The following CCBE1 variants were observed in gnomAD, a reference collection of about 807,000 sequenced individuals.
CCBE1 encodes the protein collagen and calcium-binding EGF domain-containing protein 1.
CCBE1 carries 37 observed loss-of-function variants against 50.0 expected under a neutral mutation model. The ratio of observed to expected loss-of-function variants is 0.74; its 90% CI spans 0.57 to 0.97. CCBE1 has a LOEUF of 0.97. Ranked by LOEUF, CCBE1 falls within the 50% of genes least tolerant of loss-of-function variation. The probability of loss-of-function intolerance (pLI) is 0.00; values close to 1 mark genes in which losing one functional copy is unlikely to be tolerated. For synonymous variants in CCBE1, 234 were observed against 203.7 expected, an observed-to-expected ratio of 1.15 and a Z score of -1.27; for missense variants, 538 against 523.8, an observed-to-expected ratio of 1.03 and a Z score of -0.26.
At chr18:59,617,262 C>A (rs1379998698) in intron 2 of CCBE1, among the ~76,000 whole-genome samples, 2 of 152,234 alleles carry the variant, frequency 1.3e-5, no homozygotes, top group South Asian at 2.1e-4. Context: ...TTGCACGTCC[C>A]ATTATTACCT....
chr18:59,511,702 T>A (rs924986103), intron 2 of CCBE1, among the ~76,000 whole-genome samples: 3 of 152,240 alleles, frequency 2.0e-5, no homozygotes, highest in Non-Finnish European at 4.4e-5. Context: ...ACATTAGGTC[T>A]TATTTCTTCT....
At chr18:59,579,377 A>C (rs1307016345) in intron 2 of CCBE1, among the ~76,000 whole-genome samples, 2 of 151,312 alleles carry the variant, frequency 1.3e-5, no homozygotes, top group Non-Finnish European at 2.9e-5. Context: ...TCAGCTGACC[A>C]CTAGAATCAC....
In CCBE1 at chr18:59,438,126, C is replaced by T; in HGVS notation, c.972G>A (p.Gly324=). The change falls in exon 10 of 11, where the codon GGG becomes GGA. Residue 324 remains glycine, a synonymous_variant. Transcript: ENST00000439986. The part of the protein sequence containing the change: ...DGSKGERGAP[G]PRGSPGPPGS... Reference sequence around the variant, plus strand: ...TGCTACTTACTGGAGACCCTCTGGGCCCAGGCGCTCCTCTCTCCCCCTAAA... The same window carrying T: ...TGCTACTTACTGGAGACCCTCTGGGTCCAGGCGCTCCTCTCTCCCCCTAAA... 1 of 1,614,086 alleles carries T rather than the reference C, an allele frequency of 6.2e-7. No individual in the cohort carries two copies. Among genetic ancestry groups the T allele is most frequent in the Non-Finnish European group, 8.5e-7 (1 of 1,180,008 alleles).
chr18:59,687,752 A>T (rs2054675739), intron 2 of CCBE1, among the ~76,000 whole-genome samples: 1 of 152,024 alleles, frequency 6.6e-6, no homozygotes, highest in Admixed American at 6.5e-5. Flanking sequence ...TCACCTGAGG[A>T]GCTCAAGACC....
chr18:59,524,319 CA>C (rs1442316454), intron 2 of CCBE1, among the ~76,000 whole-genome samples: 5 of 152,060 alleles, frequency 3.3e-5, no homozygotes, highest in Non-Finnish European at 7.4e-5. Flanking sequence ...GATCCTGTCT[CA>C]AAAACAAAAC....
chr18:59,635,463 A>G (rs2053903395), intron 2 of CCBE1, among the ~76,000 whole-genome samples: 1 of 152,224 alleles, frequency 6.6e-6, no homozygotes, highest in Non-Finnish European at 1.5e-5. Flanking sequence ...GAAATTTTTT[A>G]AAAATAAACA....
chr18:59,448,860 A>C (rs975800423), intron 6 of CCBE1, among the ~76,000 whole-genome samples: 5 of 152,232 alleles, frequency 3.3e-5, no homozygotes, highest in African/African-American at 1.2e-4. Context: ...CTCATGATTC[A>C]GAGTCACCAC....
intron 2 of CCBE1, among the ~76,000 whole-genome samples, chr18:59,575,880 T>C (rs749870004): frequency 5.9e-5 from 9 of 152,184 alleles, no homozygotes; most frequent in Non-Finnish European, 1.3e-4. Flanking sequence ...AATCGATAAG[T>C]ATACAGCCAG....
intron 2 of CCBE1, among the ~76,000 whole-genome samples, chr18:59,547,398 C>T (rs903205533): frequency 6.6e-6 from 1 of 152,048 alleles, no homozygotes; most frequent in East Asian, 1.9e-4. Flanking sequence ...GGGGATAAGA[C>T]AAAGAGCCCT....
chr18:59,522,994 A>T (rs1030198629), intron 2 of CCBE1, among the ~76,000 whole-genome samples: 1 of 34,664 alleles, frequency 2.9e-5, no homozygotes, highest in Non-Finnish European at 5.1e-5. Context: ...ACTCTGTTTC[A>T]AAAAAAAAAA....
At chr18:59,471,245 C>T (rs898714459) in intron 3 of CCBE1, among the ~76,000 whole-genome samples, 42 of 152,198 alleles carry the variant, frequency 2.8e-4, no homozygotes, top group East Asian at 5.8e-4. Context: ...CCTGAGGAAC[C>T]GCTCTCAACT....
chr18:59,654,037 T>C (rs1413001998), intron 2 of CCBE1, among the ~76,000 whole-genome samples: 1 of 152,192 alleles, frequency 6.6e-6, no homozygotes, highest in African/African-American at 2.4e-5. Flanking sequence ...TCATTCAATG[T>C]TTTAAAAGTA....
chr18:59,533,220 CAT>C (rs1915118388), intron 2 of CCBE1, among the ~76,000 whole-genome samples: 1 of 152,178 alleles, frequency 6.6e-6, no homozygotes, highest in South Asian at 2.1e-4. Context: ...TTCAAGACTT[CAT>C]GTTAGAATTT....
At position 59,435,152 on chromosome 18, in the gene CCBE1, GAA is replaced by G. The variant is rs1199173981; in HGVS notation, c.*754_*755del. 1.3e-5 allele frequency: 2 copies of G among 152,108 alleles called. No homozygotes were observed. Among genetic ancestry groups the G allele is most frequent in the African/African-American group, 2.4e-5 (1 of 41,426 alleles). 9.4% of individuals were successfully genotyped at this position (152,108 alleles called of 1,614,324 possible). ...TCCAGGCATTTCACTTTGTTTTTTT[GAA>G]AAGAGAGTTTAATCTTCTTCCCTAA... On this transcript the variant is annotated 3_prime_UTR_variant, in exon 11 of 11. Coordinates refer to ENST00000439986, the MANE Select transcript of CCBE1 (RefSeq NM_133459.4).
Position 59,445,958 on chromosome 18 carries a change from G to T in CCBE1, c.775+2025C>A, listed in dbSNP as rs536854170. Among the ~76,000 whole-genome samples, 16 of 152,272 alleles carry T rather than the reference G, an allele frequency of 1.1e-4. No homozygotes were observed. In the South Asian group the frequency reaches 1.5e-3, roughly 14 times the overall value. On this transcript the variant is annotated intron_variant, in intron 7 of 10. Transcript: ENST00000439986. ...CCAACCCAGAGTAGTTTCCTGTATT[G>T]GTGCTCCAGTCTGATTCACCACAGG...
intron 2 of CCBE1, among the ~76,000 whole-genome samples, chr18:59,582,236 C>G (rs939637785): frequency 1.3e-5 from 2 of 152,174 alleles, no homozygotes; most frequent in Non-Finnish European, 2.9e-5. Context: ...CCACCTCTCC[C>G]CCGTCAGTTA....
chr18:59,468,597 A>ACAAC (rs1381505446), intron 4 of CCBE1, among the ~76,000 whole-genome samples: 1 of 152,146 alleles, frequency 6.6e-6, no homozygotes, highest in African/African-American at 2.4e-5. Context: ...CAGAGGACCT[A>ACAAC]CGGTTAGAAC....
intron 2 of CCBE1, among the ~76,000 whole-genome samples, chr18:59,620,753 C>T (rs1053215834): frequency 6.6e-6 from 1 of 152,192 alleles, no homozygotes; most frequent in African/African-American, 2.4e-5. Context: ...CTTCCTTCTT[C>T]TTCTGTCATG....
At position 59,499,650 on chromosome 18, in the gene CCBE1, C is replaced by T. The variant is rs115398624; in HGVS notation, c.213-19412G>A. Among the ~76,000 whole-genome samples, 1,201 of 152,298 alleles carry T rather than the reference C, an allele frequency of 7.9e-3. 10 individuals are homozygous for T. The highest frequency in any genetic ancestry group is 0.027 in the African/African-American group (1,124 of 41,558). On this transcript the variant is annotated intron_variant, in intron 2 of 10. Transcript: ENST00000439986. ...GAACAGCACGGGAAAGAACTGCCCT[C>T]GTGATTCAATTACCTCCCACCAGGT...
Sources: allele counts gnomAD v4.1 joint callset (sites outside exome capture counted in the v4.1 genomes callset), GRCh38; gene constraint gnomAD v4.1.1; transcripts MANE v1.5; gene names NCBI Gene and HGNC (gene_info 2026-07-23, HGNC 2026-07-21).